TENM4: variants seen among roughly 807,000 people sequenced by gnomAD.
TENM4 encodes the protein teneurin transmembrane protein 4.
A neutral mutation model predicts 243.3 loss-of-function variants in TENM4; 82 were observed. The ratio of observed to expected loss-of-function variants is 0.34; its 90% CI spans 0.28 to 0.40. The LOEUF (loss-of-function observed/expected upper bound fraction) is 0.40. Ranked by LOEUF, TENM4 falls within the 10% of genes least tolerant of loss-of-function variation. The pLI is 1.00. For synonymous variants in TENM4, 1,412 were observed against 1,456.3 expected, an observed-to-expected ratio of 0.97 and a Z score of 0.69; for missense variants, 3,138 against 3,673.3, an observed-to-expected ratio of 0.85 and a Z score of 3.77.
intron 9 of TENM4, among the ~76,000 whole-genome samples, chr11:78,884,410 A>G (rs1334637652): frequency 6.6e-6 from 1 of 152,130 alleles, no homozygotes; most frequent in Non-Finnish European, 1.5e-5. Flanking sequence ...CAAGTGATAC[A>G]GCCAGGGTCT....
chr11:79,255,347 T>C lies in TENM4; in HGVS notation c.-264-39438A>G, dbSNP rs11237775. On this transcript the variant is annotated intron_variant, in intron 2 of 33. Coordinates refer to ENST00000278550, the MANE Select transcript of TENM4 (RefSeq NM_001098816.3). ...ACAGTCTTTTCAGTCCGGCCTCTCA[T>C]GTTCCTAACGCCTCCGTGTCTTACA... 1.6e-4 allele frequency among the ~76,000 whole-genome samples: 25 copies of C among 152,260 alleles called. No individual in the cohort carries two copies. The East Asian group carries it at 3.9e-3, about 24-fold the overall frequency.
intron 1 of TENM4, among the ~76,000 whole-genome samples, chr11:79,400,798 C>G (rs990203427): frequency 1.1e-4 from 16 of 152,178 alleles, no homozygotes; most frequent in African/African-American, 3.4e-4. Flanking sequence ...TATCTGTTCC[C>G]TTGCTCTCCT....
chr11:78,935,546 T>C (rs1007787088), intron 6 of TENM4, among the ~76,000 whole-genome samples: 2 of 152,178 alleles, frequency 1.3e-5, no homozygotes, highest in African/African-American at 2.4e-5. Flanking sequence ...TGTTTAACTA[T>C]ACAGTTCCCA....
At chr11:78,712,783 A>T in intron 25 of TENM4, 69 bp from the exon 26 acceptor site, 1 of 1,426,310 alleles carries the variant, frequency 7.0e-7, no homozygotes, top group Non-Finnish European at 9.8e-7. Flanking sequence ...AGATGTACAG[A>T]TGAACCCCTG....
rs746014119 is a variant in TENM4 at position 78,708,432 on chromosome 11, T to C, written c.4138A>G (p.Thr1380Ala). The change falls in exon 27 of 34, where the codon ACC becomes GCC. Residue 1380 changes from threonine to alanine, a missense_variant. Coordinates refer to ENST00000278550, the MANE Select transcript of TENM4 (RefSeq NM_001098816.3). ...RRIDQNGIIS[T>A]LLGSNDLTSA... ...GTGAGATCATTAGAGCCGAGCAGGG[T>C]GGAGATGATCCCATTCTGATCGATG... 4 of 1,613,990 alleles carry C rather than the reference T, an allele frequency of 2.5e-6. No homozygotes were observed. In the Admixed American group the frequency reaches 5.0e-5, roughly 20 times the overall value.
chr11:79,123,204 C>G (rs1487671977), intron 4 of TENM4, among the ~76,000 whole-genome samples: 1 of 152,214 alleles, frequency 6.6e-6, no homozygotes, highest in Non-Finnish European at 1.5e-5. Context: ...ATAGTGCTTA[C>G]TATGGGCCAG....
chr11:78,871,237 T>C (rs1859118795), intron 9 of TENM4, among the ~76,000 whole-genome samples: 1 of 152,152 alleles, frequency 6.6e-6, no homozygotes, highest in African/African-American at 2.4e-5. Flanking sequence ...TATAAGACGG[T>C]GATAATAATA....
intron 6 of TENM4, among the ~76,000 whole-genome samples, chr11:79,038,111 C>A (rs1218554033): frequency 6.6e-6 from 1 of 152,244 alleles, no homozygotes; most frequent in African/African-American, 2.4e-5. Context: ...CCTGAGACAT[C>A]TGTTTTGTTC....
In TENM4 at chr11:79,146,182, A is replaced by G. The variant is rs932757748; in HGVS notation, c.-66+2528T>C. On this transcript the variant is annotated intron_variant, in intron 4 of 33. Coordinates refer to ENST00000278550, the MANE Select transcript of TENM4 (RefSeq NM_001098816.3). The stretch of plus-strand genomic sequence containing the variant: ...TGGACTACAACCCACAATTTGAAGC[A>G]CCCTGTGATACACAATTATGCAGTC... Among the ~76,000 whole-genome samples, 3 of 152,122 alleles carry G rather than the reference A, an allele frequency of 2.0e-5. No individual in the cohort carries two copies. In the South Asian group the frequency reaches 6.2e-4, roughly 32 times the overall value.
At chr11:78,928,576 G>T (rs978312493) in intron 6 of TENM4, among the ~76,000 whole-genome samples, 38 of 152,152 alleles carry the variant, frequency 2.5e-4, no homozygotes, top group Non-Finnish European at 4.3e-4. Context: ...TACAAGTCTG[G>T]GCTTTAGAAT....
At chr11:78,851,330 A>G (rs1858533396) in intron 12 of TENM4, among the ~76,000 whole-genome samples, 1 of 152,208 alleles carries the variant, frequency 6.6e-6, no homozygotes, top group African/African-American at 2.4e-5. Flanking sequence ...ACAGGTGTCC[A>G]CATTTAGGTG....
At chr11:78,997,162 T>A (rs1858196250) in intron 6 of TENM4, among the ~76,000 whole-genome samples, 1 of 152,150 alleles carries the variant, frequency 6.6e-6, no homozygotes, top group South Asian at 2.1e-4. Flanking sequence ...CCTAAGATAG[T>A]GTTTGGTACA....
At chr11:79,081,235 G>T (rs549500902) in intron 4 of TENM4, among the ~76,000 whole-genome samples, 2 of 152,322 alleles carry the variant, frequency 1.3e-5, no homozygotes, top group South Asian at 2.1e-4. Flanking sequence ...ACAGCTTTGG[G>T]TCTGTGGCTA....
chr11:78,820,511 T>G (rs183703173), intron 12 of TENM4, among the ~76,000 whole-genome samples: 18 of 152,312 alleles, frequency 1.2e-4, no homozygotes, highest in Admixed American at 8.5e-4. Flanking sequence ...GAGAGTTATT[T>G]TGAAGACCAA....
At chr11:79,299,817 T>G (rs1856521597) in intron 1 of TENM4, among the ~76,000 whole-genome samples, 1 of 152,224 alleles carries the variant, frequency 6.6e-6, no homozygotes, top group Admixed American at 6.5e-5. Context: ...TTTCTAAAGC[T>G]CTAAGCTTCC....
intron 1 of TENM4, among the ~76,000 whole-genome samples, chr11:79,433,781 T>C (rs995867514): frequency 6.6e-6 from 1 of 152,214 alleles, no homozygotes; most frequent in African/African-American, 2.4e-5. Flanking sequence ...TCTGATTTGA[T>C]GTTCAGAACA....
chr11:79,003,793 A>G (rs1165115571), intron 6 of TENM4, among the ~76,000 whole-genome samples: 1 of 152,182 alleles, frequency 6.6e-6, no homozygotes, highest in Non-Finnish European at 1.5e-5. Flanking sequence ...TAAAGTCTGC[A>G]TAATAACCAG....
chr11:79,035,850 C>T (rs1859364325), intron 6 of TENM4, among the ~76,000 whole-genome samples: 1 of 152,164 alleles, frequency 6.6e-6, no homozygotes, highest in South Asian at 2.1e-4. Context: ...CTCCTTCCAC[C>T]TCACCCATCC....
At chr11:78,847,244 C>T (rs1208243741) in intron 12 of TENM4, among the ~76,000 whole-genome samples, 1 of 152,236 alleles carries the variant, frequency 6.6e-6, no homozygotes, top group Admixed American at 6.5e-5. Context: ...GTATTTCCCA[C>T]AGAAAGACAA....
Sources: allele counts gnomAD v4.1 joint callset (sites outside exome capture counted in the v4.1 genomes callset), GRCh38; gene constraint gnomAD v4.1.1; transcripts MANE v1.5; gene names NCBI Gene and HGNC (gene_info 2026-07-23, HGNC 2026-07-21).